OXR1: variants seen among roughly 807,000 people sequenced by gnomAD.
The protein encoded by OXR1 is oxidation resistance protein 1.
Under a neutral mutation model 104.6 loss-of-function variants are expected in OXR1, and 41 were observed. The observed-to-expected ratio is 0.39, with a 90% CI of 0.31 to 0.51. OXR1 has a LOEUF of 0.51. OXR1 is among the 20% of genes least tolerant of loss of function. The pLI is 0.77. For synonymous variants in OXR1, 348 were observed against 348.4 expected (o/e 1.00, Z 0.01); for missense variants, 955 against 1,031.9 (o/e 0.93, Z 1.02).
chr8:106,748,788 G>A (rs569137387), intron 16 of OXR1, among the ~76,000 whole-genome samples: 2 of 150,730 alleles, frequency 1.3e-5, no homozygotes, highest in Non-Finnish European at 3.0e-5. Context: ...CAGGCAGGTC[G>A]CAAACTACTG....
chr8:106,581,195 A>C (rs1028899346), intron 3 of OXR1: 2 of 1,284,188 alleles, frequency 1.6e-6, no homozygotes, highest in African/African-American at 3.1e-5. Flanking sequence ...TTGACAAACC[A>C]CTGCTGCAGA....
At chr8:106,535,323 C>T (rs1380454224) in intron 3 of OXR1, among the ~76,000 whole-genome samples, 1 of 152,210 alleles carries the variant, frequency 6.6e-6, no homozygotes, top group Non-Finnish European at 1.5e-5. Context: ...GGGCTTTCTA[C>T]TGCAAAACCG....
intron 2 of OXR1, among the ~76,000 whole-genome samples, chr8:106,471,354 A>G (rs1361717849): frequency 6.6e-6 from 1 of 151,692 alleles, no homozygotes; most frequent in Non-Finnish European, 1.5e-5. Context: ...GTTTTTCATC[A>G]CTGCTCAAAA....
chr8:106,735,463 G>A (rs1252556727), intron 11 of OXR1, among the ~76,000 whole-genome samples: 2 of 152,020 alleles, frequency 1.3e-5, no homozygotes, highest in Non-Finnish European at 2.9e-5. Context: ...GATACAATTA[G>A]GTTATGACTG....
At chr8:106,527,914 T>C (rs1037786025) in intron 3 of OXR1, among the ~76,000 whole-genome samples, 1 of 152,178 alleles carries the variant, frequency 6.6e-6, no homozygotes. Context: ...TCAAATTCTC[T>C]TTTCAAAAAC....
chr8:106,416,019 C>A (rs1460505989), intron 2 of OXR1, among the ~76,000 whole-genome samples: 2 of 152,024 alleles, frequency 1.3e-5, no homozygotes, highest in Non-Finnish European at 2.9e-5. Context: ...GAACAGAGTC[C>A]CTCTCTTAGA....
chr8:106,591,489 G>A (rs185878566), intron 3 of OXR1, among the ~76,000 whole-genome samples: 2,254 of 151,018 alleles, frequency 0.015, 18 homozygotes, highest in Non-Finnish European at 0.024. Flanking sequence ...CAAGGGGAAA[G>A]GAGGAAAGAA....
chr8:106,470,604 CTGGAGAT>C (rs1458707168), intron 2 of OXR1, among the ~76,000 whole-genome samples: 1 of 151,642 alleles, frequency 6.6e-6, no homozygotes, highest in Non-Finnish European at 1.5e-5. Context: ...GAGATCTGGT[CTGGAGAT>C]AGAAGTTTGG....
chr8:106,292,383 G>A (rs1359406222), intron 1 of OXR1, among the ~76,000 whole-genome samples: 2 of 152,238 alleles, frequency 1.3e-5, no homozygotes, highest in Non-Finnish European at 2.9e-5. Context: ...TGTGGAGAAG[G>A]AAAACAAAAT....
intron 3 of OXR1, among the ~76,000 whole-genome samples, chr8:106,576,491 C>G (rs1426388127): frequency 8.6e-6 from 1 of 116,320 alleles, no homozygotes; most frequent in African/African-American, 3.1e-5. Context: ...AAAAAGAAAA[C>G]ATCAAATAGA....
intron 2 of OXR1, among the ~76,000 whole-genome samples, chr8:106,452,881 G>T (rs1424098468): frequency 6.6e-6 from 1 of 152,022 alleles, no homozygotes; most frequent in Non-Finnish European, 1.5e-5. Flanking sequence ...CCTGTTTTAG[G>T]ACTAAATTGA....
intron 3 of OXR1, among the ~76,000 whole-genome samples, chr8:106,553,550 G>C (rs868622913): frequency 5.3e-5 from 8 of 151,992 alleles, no homozygotes; most frequent in Admixed American, 1.3e-4. Flanking sequence ...GAGCTCCTGA[G>C]CTCAAGCGAT....
At chr8:106,316,717 C>CTATCTATCATCT (rs147531007) in intron 1 of OXR1, among the ~76,000 whole-genome samples, 39 of 118,676 alleles carry the variant, frequency 3.3e-4, no homozygotes, top group Non-Finnish European at 5.2e-4. Context: ...ATCTATCTAT[C>CTATCTATCATCT]ATCTATCTAT....
chr8:106,537,742 A>C (rs1315753218), intron 3 of OXR1, among the ~76,000 whole-genome samples: 1 of 152,206 alleles, frequency 6.6e-6, no homozygotes, highest in African/African-American at 2.4e-5. Context: ...AGATTTCTAC[A>C]GTGAAGATAA....
intron 1 of OXR1, among the ~76,000 whole-genome samples, chr8:106,352,368 A>T (rs1469189201): frequency 3.3e-5 from 5 of 152,198 alleles, no homozygotes; most frequent in Non-Finnish European, 5.9e-5. Flanking sequence ...ACATTTATAC[A>T]TTTCTGGTAG....
chr8:106,717,709 T>C lies in OXR1; in HGVS notation c.1956+3724T>C, dbSNP rs115784104. ...AATTGTATAGGCATATAGTTCATTC[T>C]CAATATTTATTAATGGATAAACTTG... On this transcript the variant is annotated intron_variant, in intron 11 of 16. Transcript: ENST00000517566. Among the ~76,000 whole-genome samples the C allele has an allele frequency of 3.4e-3, 515 of 152,344 alleles. 4 individuals carry two copies. Among genetic ancestry groups the C allele is most frequent in the African/African-American group, 0.012 (479 of 41,582 alleles).
At chr8:106,297,590 A>T (rs888671550) in intron 1 of OXR1, among the ~76,000 whole-genome samples, 2 of 152,200 alleles carry the variant, frequency 1.3e-5, no homozygotes, top group Non-Finnish European at 2.9e-5. Flanking sequence ...ATATTGCTAA[A>T]CATAGAAAAG....
At chr8:106,368,780 A>G (rs1224368852) in intron 2 of OXR1, among the ~76,000 whole-genome samples, 1 of 152,004 alleles carries the variant, frequency 6.6e-6, no homozygotes, top group Non-Finnish European at 1.5e-5. Flanking sequence ...ATGTACCATG[A>G]TTTCTTTATC....
chr8:106,339,789 A>G (rs1461504530), intron 1 of OXR1, among the ~76,000 whole-genome samples: 1 of 151,842 alleles, frequency 6.6e-6, no homozygotes, highest in Non-Finnish European at 1.5e-5. Flanking sequence ...TTCGTTAGTA[A>G]AACTCTGAAG....
Sources: gnomAD v4.1 joint callset for allele counts (sites outside exome capture counted in the v4.1 genomes callset) on GRCh38, gnomAD v4.1.1 for gene constraint, MANE v1.5 for transcripts, NCBI Gene and HGNC (gene_info 2026-07-23, HGNC 2026-07-21) for gene names.